Variants in DNAJC5 observed in about 807,000 individuals in gnomAD.
DNAJC5 encodes the protein DnaJ heat shock protein family (Hsp40) member C5.
DNAJC5 carries 1 observed loss-of-function variant against 23.2 expected under a neutral mutation model. The ratio of observed to expected loss-of-function variants is 0.04; its 90% CI spans 0.02 to 0.20. The LOEUF (loss-of-function observed/expected upper bound fraction) is 0.20. Ranked by LOEUF, DNAJC5 falls within the 10% of genes least tolerant of loss-of-function variation. The pLI is 1.00. For missense variants in DNAJC5, 180 were observed against 267.0 expected (o/e 0.67, Z 2.27); for synonymous variants, 136 against 120.0 (o/e 1.13, Z -0.87).
intron 1 of DNAJC5, among the ~76,000 whole-genome samples, chr20:63,923,960 T>C (rs547508182): frequency 1.3e-5 from 2 of 152,340 alleles, no homozygotes; most frequent in East Asian, 3.9e-4. Context: ...AATTGTTTTT[T>C]ATACGTACAT....
intron 1 of DNAJC5, among the ~76,000 whole-genome samples, chr20:63,926,873 G>A (rs183425972): frequency 5.9e-5 from 9 of 152,228 alleles, no homozygotes; most frequent in South Asian, 2.1e-4. Context: ...GGTGCCCCAC[G>A]ATGCAGCAAA....
chr20:63,903,354 C>G (rs1317143066), intron 1 of DNAJC5, among the ~76,000 whole-genome samples: 1 of 152,182 alleles, frequency 6.6e-6, no homozygotes, highest in Non-Finnish European at 1.5e-5. Flanking sequence ...TGTCACCAGA[C>G]TGGAGAGCAG....
At chr20:63,923,930 A>AGG (rs2053591231) in intron 1 of DNAJC5, among the ~76,000 whole-genome samples, 1 of 152,118 alleles carries the variant, frequency 6.6e-6, no homozygotes, top group African/African-American at 2.4e-5. Context: ...CTTGTGTAAG[A>AGG]GTTCTTTATT....
In DNAJC5 at chr20:63,929,082, T is replaced by A. The variant is rs1234053858; in HGVS notation, c.108-230T>A. On this transcript the variant is annotated intron_variant, in intron 2 of 4. Coordinates refer to ENST00000360864, the MANE Select transcript of DNAJC5 (RefSeq NM_025219.3). This position sits in a 1 kb window ranked among gnomAD's most constrained non-coding sequence, Gnocchi z 8.6. ...GATGTGCCGTGGCACTCACAGCCCTTGGGGCTCCCTCCTCTGAGGCTGGGT... is the reference window on the plus strand; with the variant it reads ...GATGTGCCGTGGCACTCACAGCCCTAGGGGCTCCCTCCTCTGAGGCTGGGT... Among the ~76,000 whole-genome samples the A allele has an allele frequency of 1.3e-5, 2 of 152,186 alleles. No homozygotes were observed. Among genetic ancestry groups the A allele is most frequent in the Non-Finnish European group, 2.9e-5 (2 of 68,020 alleles).
intron 1 of DNAJC5, among the ~76,000 whole-genome samples, chr20:63,917,788 C>T (rs1238722454): frequency 6.6e-6 from 1 of 152,120 alleles, no homozygotes; most frequent in Non-Finnish European, 1.5e-5. Context: ...AACTCCTGAC[C>T]TCAAGCCATC....
At chr20:63,923,858 C>T (rs1368946548) in intron 1 of DNAJC5, among the ~76,000 whole-genome samples, 2 of 152,224 alleles carry the variant, frequency 1.3e-5, no homozygotes, top group East Asian at 1.9e-4. Flanking sequence ...AGTCATTCTG[C>T]GCTCTTGAGC....
chr20:63,899,869 CTG>C (rs1326540697), intron 1 of DNAJC5, among the ~76,000 whole-genome samples: 1,864 of 147,264 alleles, frequency 0.013, 127 homozygotes, highest in Admixed American at 0.1. Flanking sequence ...GTGTGAGCCA[CTG>C]CGCCTGGGCT....
At position 63,931,679 on chromosome 20, in the gene DNAJC5, T is replaced by G; in HGVS notation, c.*111T>G. ...AGGCAGCCTCCTGCCTGCCCTGGCC[T>G]TGCTGGGGCCCCTCCTGCCTCCACG... On this transcript the variant is annotated 3_prime_UTR_variant, in exon 5 of 5. Coordinates refer to ENST00000360864, the MANE Select transcript of DNAJC5 (RefSeq NM_025219.3). This position sits in a 1 kb window ranked among gnomAD's most constrained non-coding sequence, Gnocchi z 9.6. 8.4e-7 allele frequency: 1 copy of G among 1,192,034 alleles called. No individual in the cohort carries two copies. Among genetic ancestry groups the G allele is most frequent in the Non-Finnish European group, 1.2e-6 (1 of 833,506 alleles). 73.8% of individuals were successfully genotyped at this position (1,192,034 alleles called of 1,614,324 possible).
At chr20:63,924,987 G>A (rs776233487) in intron 1 of DNAJC5, among the ~76,000 whole-genome samples, 5 of 152,212 alleles carry the variant, frequency 3.3e-5, no homozygotes, top group African/African-American at 4.8e-5. Flanking sequence ...TGAGGAGGGC[G>A]GAGAAGAACT....
At chr20:63,930,430 C>T (rs2053658932) in intron 3 of DNAJC5, among the ~76,000 whole-genome samples, 1 of 152,314 alleles carries the variant, frequency 6.6e-6, no homozygotes. Context: ...TCACTGCAAG[C>T]TCCACCTCCC....
At position 63,933,477 on chromosome 20, in the gene DNAJC5, C is replaced by T. The variant is rs534811442; in HGVS notation, c.*1909C>T. ...TTGTTTCTTCTCACTAAAATGATCA[C>T]GAAGACCTTTGACAAGAGGAGAGAT... On this transcript the variant is annotated 3_prime_UTR_variant, in exon 5 of 5. Coordinates refer to ENST00000360864, the MANE Select transcript of DNAJC5 (RefSeq NM_025219.3). The T allele has an allele frequency of 2.6e-5, 4 of 152,384 alleles. No homozygotes were observed. Among genetic ancestry groups the T allele is most frequent in the African/African-American group, 4.8e-5 (2 of 41,520 alleles). The allele number at this position is 152,384 out of a possible 1,614,324, so 9.4% of individuals were successfully genotyped here. A position where few individuals can be genotyped will look rare whatever the true frequency, so the allele number is the denominator to read the frequency against.
intron 1 of DNAJC5, among the ~76,000 whole-genome samples, chr20:63,924,879 G>A (rs1398526874): frequency 1.3e-5 from 2 of 152,244 alleles, no homozygotes; most frequent in African/African-American, 2.4e-5. Context: ...CCACACTGGC[G>A]TGCCCCAACT....
intron 1 of DNAJC5, among the ~76,000 whole-genome samples, chr20:63,922,072 C>T (rs1247968325): frequency 1.3e-5 from 2 of 152,084 alleles, no homozygotes; most frequent in African/African-American, 4.8e-5. Context: ...AGCCACCACT[C>T]CCGGCCCCCT....
At position 63,931,095 on chromosome 20, in the gene DNAJC5, G is replaced by C. The variant is rs2053666368; in HGVS notation, c.493+73G>C. On this transcript the variant is annotated intron_variant, in intron 4 of 4. Transcript: ENST00000360864. The surrounding 1 kb of genome is among the most constrained non-coding windows in gnomAD (Gnocchi z 9.6). ...AATGGGCCCTGAATGGTGTCAACCT[G>C]TCTTGTCAAACAGGAGGGCACTGAC... 6.6e-7 allele frequency: 1 copy of C among 1,513,698 alleles called. No homozygotes were observed. Among genetic ancestry groups the C allele is most frequent in the African/African-American group, 1.4e-5 (1 of 73,022 alleles). 93.8% of individuals were successfully genotyped at this position (1,513,698 alleles called of 1,614,324 possible).
chr20:63,919,311 A>G, intron 1 of DNAJC5: 1 of 470,386 alleles, frequency 2.1e-6, no homozygotes, highest in South Asian at 1.5e-5. Flanking sequence ...GAGGCATGTG[A>G]TCGATGCATC....
rs775232180 is a variant in DNAJC5, at chr20:63,931,579, A to T, written c.*11A>T. Reference sequence around the variant, plus strand: ...GACGGGTTCAACTAAATCCAGGAGGAGCTGTGGTCAGAGGAGGAGCCGGCG... The same window carrying T: ...GACGGGTTCAACTAAATCCAGGAGGTGCTGTGGTCAGAGGAGGAGCCGGCG... On this transcript the variant is annotated 3_prime_UTR_variant, in exon 5 of 5. Transcript: ENST00000360864. This position sits in a 1 kb window ranked among gnomAD's most constrained non-coding sequence, Gnocchi z 9.6. 7.1e-6 allele frequency: 11 copies of T among 1,549,544 alleles called. No homozygotes were observed. In the Admixed American group the frequency reaches 7.7e-5, roughly 11 times the overall value.
chr20:63,903,843 T>C (rs1461265869), intron 1 of DNAJC5, among the ~76,000 whole-genome samples: 1 of 152,030 alleles, frequency 6.6e-6, no homozygotes, highest in Admixed American at 6.6e-5. Flanking sequence ...CCCAACACTT[T>C]GGGAGGCTGA....
rs2053676569 is a variant in DNAJC5, at chr20:63,931,953, C to T, written c.*385C>T. The T allele has an allele frequency of 8.4e-6, 3 of 355,346 alleles. No individual in the cohort carries two copies. The highest frequency in any genetic ancestry group is 9.7e-4 in the Middle Eastern group (1 of 1,026). 22.0% of individuals were successfully genotyped at this position (355,346 alleles called of 1,614,324 possible). A position where few individuals can be genotyped will look rare whatever the true frequency, so the allele number is the denominator to read the frequency against. On this transcript the variant is annotated 3_prime_UTR_variant, in exon 5 of 5. Coordinates refer to ENST00000360864, the MANE Select transcript of DNAJC5 (RefSeq NM_025219.3). The surrounding 1 kb of genome is among the most constrained non-coding windows in gnomAD (Gnocchi z 9.6). ...AGGTGGGCGAGGAGAAGGGGGGCTG[C>T]CCCTTTCCTACCTGTGCTTGAGGGG... is the stretch of plus-strand genomic sequence containing the variant.
At position 63,932,080 on chromosome 20, in the gene DNAJC5, T is replaced by C; in HGVS notation, c.*512T>C. The C allele has an allele frequency of 4.7e-6, 1 of 214,696 alleles. No individual in the cohort carries two copies. Among genetic ancestry groups the C allele is most frequent in the Non-Finnish European group, 9.7e-6 (1 of 103,568 alleles). The allele number at this position is 214,696 out of a possible 1,614,324, so 13.3% of individuals were successfully genotyped here. On this transcript the variant is annotated 3_prime_UTR_variant, in exon 5 of 5. Transcript: ENST00000360864. This position sits in a 1 kb window ranked among gnomAD's most constrained non-coding sequence, Gnocchi z 4.4. The stretch of plus-strand genomic sequence containing the variant: ...CCTTGAGGCTGCAGTAGGACTCTGA[T>C]CTCACCTGCCAGAAGAGAGGCGGGG...
Sources: gnomAD v4.1 joint callset for allele counts (sites outside exome capture counted in the v4.1 genomes callset) on GRCh38, gnomAD v4.1.1 for gene constraint, Gnocchi (gnomAD v3.1) non-coding constraint, MANE v1.5 for transcripts, NCBI Gene and HGNC (gene_info 2026-07-23, HGNC 2026-07-21) for gene names.